The following SGCD variants were observed in gnomAD, a reference collection of about 807,000 sequenced individuals.
The protein encoded by SGCD is delta-sarcoglycan.
SGCD carries 18 observed loss-of-function variants against 36.6 expected under a neutral mutation model. That is an observed-to-expected ratio of 0.49 (90% CI 0.34 to 0.73). The LOEUF is 0.73. Among genes scored for constraint, SGCD ranks in the 30% least tolerant of loss-of-function variants. SGCD has a pLI of 0.01. For synonymous variants in SGCD, 133 were observed against 130.6 expected, an observed-to-expected ratio of 1.02 and a Z score of -0.12; for missense variants, 387 against 346.7, an observed-to-expected ratio of 1.12 and a Z score of -0.92.
intron 3 of SGCD, among the ~76,000 whole-genome samples, chr5:156,216,415 G>A (rs977198049): frequency 2.6e-5 from 4 of 152,150 alleles, no homozygotes; most frequent in Admixed American, 2.6e-4. Context: ...AGAACATCAT[G>A]CTGTGCACAA....
intron 7 of SGCD, 120 bp downstream of exon 7, chr5:156,647,656 G>T: frequency 1.4e-6 from 1 of 695,064 alleles, no homozygotes; most frequent in South Asian, 1.8e-5. Flanking sequence ...AATTGAAAGA[G>T]GTTGGAGAGA....
chr5:156,027,250 T>G (rs1337966353), intron 1 of SGCD, among the ~76,000 whole-genome samples: 1 of 152,190 alleles, frequency 6.6e-6, no homozygotes, highest in East Asian at 1.9e-4. Context: ...TGGTGTATTA[T>G]CTATTTTAGG....
intron 3 of SGCD, among the ~76,000 whole-genome samples, chr5:156,387,922 T>C (rs1029945077): frequency 6.6e-6 from 1 of 152,230 alleles, no homozygotes; most frequent in East Asian, 1.9e-4. Context: ...CAAAGGTTTC[T>C]TTAACTCCAA....
chr5:156,183,245 G>A (rs1763651288), intron 3 of SGCD, among the ~76,000 whole-genome samples: 2 of 152,092 alleles, frequency 1.3e-5, no homozygotes, highest in African/African-American at 2.4e-5. Context: ...AAAAGACTTA[G>A]GTAGATTTCA....
chr5:156,147,664 G>A (rs568313145), intron 3 of SGCD, among the ~76,000 whole-genome samples: 3 of 152,330 alleles, frequency 2.0e-5, no homozygotes, highest in South Asian at 2.1e-4. Context: ...AATTAGAGAT[G>A]AGAATGCAGG....
the SGCD span, among the ~76,000 whole-genome samples, chr5:155,728,302 G>T: frequency 1.3e-5 from 2 of 152,266 alleles, no homozygotes; most frequent in South Asian, 2.1e-4. Context: ...CGCTGCCGGA[G>T]CCCGAACCCA....
the SGCD span, among the ~76,000 whole-genome samples, chr5:155,734,496 G>A: frequency 6.6e-6 from 1 of 152,096 alleles, no homozygotes; most frequent in Admixed American, 6.5e-5. Flanking sequence ...ACAGGTGTGA[G>A]CCACTACTTG....
intron 3 of SGCD, among the ~76,000 whole-genome samples, chr5:156,134,285 A>T (rs1762400360): frequency 6.6e-6 from 1 of 152,162 alleles, no homozygotes; most frequent in South Asian, 2.1e-4. Context: ...TGTTATGAAG[A>T]TCAAAGTGGC....
chr5:155,787,473 A>AT, the SGCD span, among the ~76,000 whole-genome samples: 82 of 152,256 alleles, frequency 5.4e-4, no homozygotes, highest in African/African-American at 1.9e-3. Context: ...AGGATGCCCC[A>AT]TGCAGCATAC....
chr5:155,836,473 C>G, the SGCD span, among the ~76,000 whole-genome samples: 1,245 of 114,478 alleles, frequency 0.011, 37 homozygotes, highest in African/African-American at 0.044. Flanking sequence ...GATACCCACC[C>G]CCGCCCCGCA....
At chr5:156,203,358 G>T (rs557817226) in intron 3 of SGCD, among the ~76,000 whole-genome samples, 3 of 151,998 alleles carry the variant, frequency 2.0e-5, no homozygotes, top group Non-Finnish European at 4.4e-5. Context: ...TATTGACTGC[G>T]CAAATAACAA....
rs1756774764 is a variant in SGCD, at chr5:156,507,981, CAAA to C, written c.193-619_193-617del. ...TAATGGGATTATTGTTATATTTAAACAAAGAAGGGGAGTGTAGGTGGCAGTAAT... is the reference window on the plus strand; with the variant it reads ...TAATGGGATTATTGTTATATTTAAACGAAGGGGAGTGTAGGTGGCAGTAAT... On this transcript the variant is annotated intron_variant, in intron 3 of 8. Coordinates refer to ENST00000337851, the MANE Select transcript of SGCD (RefSeq NM_000337.6). Among the ~76,000 whole-genome samples, 3 of 152,066 alleles carry C rather than the reference CAAA, an allele frequency of 2.0e-5. No homozygotes were observed. The South Asian group carries it at 6.2e-4, about 32-fold the overall frequency.
At chr5:156,362,716 A>T (rs189707919) in intron 3 of SGCD, among the ~76,000 whole-genome samples, 2 of 152,266 alleles carry the variant, frequency 1.3e-5, no homozygotes, top group African/African-American at 4.8e-5. Flanking sequence ...AGTCTCTGGG[A>T]TGGACCACTA....
the SGCD span, among the ~76,000 whole-genome samples, chr5:155,821,695 T>G: frequency 6.6e-6 from 1 of 152,194 alleles, no homozygotes; most frequent in Non-Finnish European, 1.5e-5. Flanking sequence ...AATGTTGTTA[T>G]GAGATATTTA....
chr5:156,424,518 C>A (rs540637667), intron 3 of SGCD, among the ~76,000 whole-genome samples: 4 of 152,108 alleles, frequency 2.6e-5, no homozygotes, highest in Non-Finnish European at 5.9e-5. Flanking sequence ...AATTTTTGGT[C>A]TTGCCACATC....
At chr5:156,165,457 T>C (rs1215622857) in intron 3 of SGCD, among the ~76,000 whole-genome samples, 1 of 152,194 alleles carries the variant, frequency 6.6e-6, no homozygotes, top group African/African-American at 2.4e-5. Flanking sequence ...GTAGCTGAAT[T>C]CCATTTTAAT....
At chr5:156,071,342 A>G (rs1273605623) in intron 1 of SGCD, among the ~76,000 whole-genome samples, 16 of 152,082 alleles carry the variant, frequency 1.1e-4, no homozygotes, top group South Asian at 2.1e-4. Flanking sequence ...CTTTGTTCTC[A>G]TTGGTTTCAA....
intron 3 of SGCD, among the ~76,000 whole-genome samples, chr5:156,351,426 T>C (rs1769247918): frequency 6.6e-6 from 1 of 152,142 alleles, no homozygotes; most frequent in Non-Finnish European, 1.5e-5. Flanking sequence ...ATCTGGATTC[T>C]GTCTCTTACT....
At chr5:156,015,954 C>T (rs1758967530) in intron 1 of SGCD, among the ~76,000 whole-genome samples, 1 of 151,244 alleles carries the variant, frequency 6.6e-6, no homozygotes, top group Non-Finnish European at 1.5e-5. Context: ...AAAACTGATG[C>T]AGTTCCAATG....
Sources: allele counts gnomAD v4.1 joint callset (sites outside exome capture counted in the v4.1 genomes callset), GRCh38; gene constraint gnomAD v4.1.1; transcripts MANE v1.5; gene names NCBI Gene and HGNC (gene_info 2026-07-23, HGNC 2026-07-21).